The following MET variants were observed in gnomAD, a reference collection of about 807,000 sequenced individuals.
The protein encoded by MET is MET proto-oncogene, receptor tyrosine kinase.
A neutral mutation model predicts 133.1 loss-of-function variants in MET; 48 were observed. That is an observed-to-expected ratio of 0.36 (90% CI 0.29 to 0.46). The LOEUF (loss-of-function observed/expected upper bound fraction) is 0.46. MET is among the 20% of genes least tolerant of loss of function. The pLI is 1.00. For missense variants in MET, 1,442 were observed against 1,695.9 expected (o/e 0.85, Z 2.63); for synonymous variants, 628 against 616.5 (o/e 1.02, Z -0.28).
At chr7:116,742,857 T>G (rs1562910964) in intron 5 of MET, among the ~76,000 whole-genome samples, 3 of 152,332 alleles carry the variant, frequency 2.0e-5, no homozygotes, top group African/African-American at 7.2e-5. Flanking sequence ...TCTAGGTTCA[T>G]AGTTGTTAGG....
At chr7:116,696,827 G>A (rs1170390091) in intron 1 of MET, among the ~76,000 whole-genome samples, 1 of 152,174 alleles carries the variant, frequency 6.6e-6, no homozygotes, top group Non-Finnish European at 1.5e-5. Context: ...GTGCAGCAGT[G>A]GCAAATACCT....
At chr7:116,732,453 C>G (rs1793048741) in intron 3 of MET, among the ~76,000 whole-genome samples, 1 of 152,136 alleles carries the variant, frequency 6.6e-6, no homozygotes, top group African/African-American at 2.4e-5. Flanking sequence ...ACAAAAGTTT[C>G]CATTTCAACT....
chr7:116,769,621 C>CTT lies in MET; in HGVS notation c.2584-10_2584-9dup, dbSNP rs57349036. ...TGCAGAACTGTGAAGTGTTAACAACCTTTTTTTTTTTTTTTCCTTTCAGGG... is the reference window on the plus strand; with the variant it reads ...TGCAGAACTGTGAAGTGTTAACAACCTTTTTTTTTTTTTTTTTCCTTTCAGGG... On this transcript the variant is annotated intron_variant, in intron 11 of 20. Coordinates refer to ENST00000397752, the MANE Select transcript of MET (RefSeq NM_000245.4). 268 of 1,517,432 alleles carry CTT rather than the reference C, an allele frequency of 1.8e-4. No homozygotes were observed. In the African/African-American group the frequency reaches 2.4e-3, roughly 14 times the overall value. 94.0% of individuals were successfully genotyped at this position (1,517,432 alleles called of 1,614,324 possible).
chr7:116,723,296 C>G (rs1584904110), intron 2 of MET, among the ~76,000 whole-genome samples: 1 of 145,144 alleles, frequency 6.9e-6, no homozygotes, highest in African/African-American at 2.6e-5. Context: ...CTTCTGCATT[C>G]TTCACGTAGT....
chr7:116,692,868 T>C (rs1190983579), intron 1 of MET, among the ~76,000 whole-genome samples: 1 of 152,212 alleles, frequency 6.6e-6, no homozygotes, highest in East Asian at 1.9e-4. Flanking sequence ...GTCAGTCTGT[T>C]TGAATCATCT....
chr7:116,723,609 T>C (rs934350535), intron 2 of MET, among the ~76,000 whole-genome samples: 1 of 152,140 alleles, frequency 6.6e-6, no homozygotes, highest in Non-Finnish European at 1.5e-5. Flanking sequence ...CCCATCTTTG[T>C]GGTTTTATCT....
intron 1 of MET, among the ~76,000 whole-genome samples, chr7:116,688,724 T>G (rs1195304926): frequency 6.6e-6 from 1 of 152,212 alleles, no homozygotes; most frequent in East Asian, 1.9e-4. Flanking sequence ...ATTCTATTCT[T>G]TTTATCTTTA....
chr7:116,786,752 A>T (rs1795327337), intron 19 of MET, among the ~76,000 whole-genome samples: 1 of 152,240 alleles, frequency 6.6e-6, no homozygotes, highest in South Asian at 2.1e-4. Flanking sequence ...TGACAACTAA[A>T]AAAGGAAAAT....
chr7:116,753,649 A>T (rs1794015695), intron 5 of MET, among the ~76,000 whole-genome samples: 1 of 152,198 alleles, frequency 6.6e-6, no homozygotes, highest in African/African-American at 2.4e-5. Context: ...ACCAATGAAG[A>T]TAATTAGGAA....
At chr7:116,700,715 T>C (rs1265898927) in intron 2 of MET, among the ~76,000 whole-genome samples, 1 of 152,218 alleles carries the variant, frequency 6.6e-6, no homozygotes, top group Admixed American at 6.5e-5. Flanking sequence ...AGCTAATTTG[T>C]ATGCCTTAAA....
At position 116,798,094 on chromosome 7, in the gene MET, A is replaced by AGG. The variant is rs1795732334; in HGVS notation, c.*1972_*1973dup. ...GTGGAAAGAAAGAACTGTCTCTACCAGGGTCAAGAGCATGAACGCATCAAT... is the reference window on the plus strand; with the variant it reads ...GTGGAAAGAAAGAACTGTCTCTACCAGGGGGTCAAGAGCATGAACGCATCAAT... On this transcript the variant is annotated 3_prime_UTR_variant, in exon 21 of 21. Transcript: ENST00000397752. 1 of 221,584 alleles carries AGG rather than the reference A, an allele frequency of 4.5e-6. No homozygotes were observed. Among genetic ancestry groups the AGG allele is most frequent in the South Asian group, 1.8e-4 (1 of 5,426 alleles). The allele number at this position is 221,584 out of a possible 1,614,324, so 13.7% of individuals were successfully genotyped here.
At position 116,763,156 on chromosome 7, in the gene MET, AT is replaced by A. The variant is rs1794466783; in HGVS notation, c.2472del (p.Asp824GlufsTer25). ...AAAACCAAAGCCTTTTTCATGTTAG[AT>A]GGGATCCTTTCCAAATACTTTGATC... ...PLKTKAFFMLDGILSKYFDLI... is the reference protein window; with the variant it reads ...PLKTKAFFMLXGILSKYFDLI... On this transcript the variant is annotated frameshift_variant, in exon 11 of 21. Coordinates refer to ENST00000397752, the MANE Select transcript of MET (RefSeq NM_000245.4). LOFTEE classifies it high-confidence loss of function. 1 of 1,613,892 alleles carries A rather than the reference AT, an allele frequency of 6.2e-7. No individual in the cohort carries two copies. The highest frequency in any genetic ancestry group is 1.3e-5 in the African/African-American group (1 of 74,914).
intron 5 of MET, among the ~76,000 whole-genome samples, chr7:116,754,983 G>GGAAAGAAAGAAGAAA (rs1794104298): frequency 1.3e-5 from 1 of 78,632 alleles, no homozygotes; most frequent in African/African-American, 4.6e-5. Flanking sequence ...AGCAGAGAAA[G>GGAAAGAAAGAAGAAA]GAAAGAAAGA....
chr7:116,794,967 A>T lies in MET; in HGVS notation c.3799-688A>T, dbSNP rs543182899. The stretch of plus-strand genomic sequence containing the variant: ...AATGTTTATCCCAGTGTGGACTCAG[A>T]TGTATTGGGGAATTTTAGCAAGTCA... On this transcript the variant is annotated intron_variant, in intron 19 of 20. Transcript: ENST00000397752. Among the ~76,000 whole-genome samples the T allele has an allele frequency of 7.9e-5, 12 of 152,290 alleles. 1 individual carries two copies. In the South Asian group the frequency reaches 2.5e-3, roughly 32 times the overall value.
At position 116,687,316 on chromosome 7, in the gene MET, A is replaced by G. The variant is rs548700555; in HGVS notation, c.-14-11755A>G. On this transcript the variant is annotated intron_variant, in intron 1 of 20. Transcript: ENST00000397752. Reference sequence around the variant, plus strand: ...CCAGAGTGTTTACTGAGTTTCAGAAATTGGATTCTGTACTTATTTTTCTGT... The same window carrying G: ...CCAGAGTGTTTACTGAGTTTCAGAAGTTGGATTCTGTACTTATTTTTCTGT... 1.4e-4 allele frequency among the ~76,000 whole-genome samples: 22 copies of G among 152,332 alleles called. 1 individual carries two copies. Among genetic ancestry groups the G allele is most frequent in the Admixed American group, 1.4e-3 (21 of 15,306 alleles).
At chr7:116,694,460 C>A (rs1796887877) in intron 1 of MET, among the ~76,000 whole-genome samples, 3 of 152,030 alleles carry the variant, frequency 2.0e-5, no homozygotes, top group Non-Finnish European at 4.4e-5. Flanking sequence ...GGTACTAACT[C>A]CAACTGTGTT....
chr7:116,695,670 T>A (rs940053396), intron 1 of MET: 7 of 390,264 alleles, frequency 1.8e-5, no homozygotes, highest in South Asian at 1.2e-4. Context: ...GACGTGGAAT[T>A]GAATCTTGGT....
In MET at chr7:116,796,466, T is replaced by C. The variant is rs1218802139; in HGVS notation, c.*342T>C. On this transcript the variant is annotated 3_prime_UTR_variant, in exon 21 of 21. Transcript: ENST00000397752. ...GCAGGAAATATTGAGGGCTTCTTGA[T>C]CACAGAAAACTCAGAAGAGATAGTA... The C allele has an allele frequency of 2.5e-5, 11 of 438,338 alleles. No individual in the cohort carries two copies. The highest frequency in any genetic ancestry group is 5.9e-5 in the African/African-American group (3 of 51,250). 27.2% of individuals were successfully genotyped at this position (438,338 alleles called of 1,614,324 possible). A position where few individuals can be genotyped will look rare whatever the true frequency, so the allele number is the denominator to read the frequency against.
intron 18 of MET, among the ~76,000 whole-genome samples, chr7:116,782,876 T>C (rs1562935564): frequency 1.3e-5 from 2 of 152,196 alleles, no homozygotes; most frequent in East Asian, 1.9e-4. Context: ...CATTTAAGAA[T>C]GAAAAAGTAA....
Sources: gnomAD v4.1 joint callset for allele counts (sites outside exome capture counted in the v4.1 genomes callset) on GRCh38, gnomAD v4.1.1 for gene constraint, MANE v1.5 for transcripts, NCBI Gene and HGNC (gene_info 2026-07-23, HGNC 2026-07-21) for gene names.